APOB: variants seen among roughly 807,000 people sequenced by gnomAD.
APOB encodes the protein apolipoprotein B-100.
Under a neutral mutation model 314.1 loss-of-function variants are expected in APOB, and 153 were observed. The observed-to-expected ratio is 0.49, with a 90% CI of 0.43 to 0.56. The LOEUF is 0.56. Among genes scored for constraint, APOB ranks in the 20% least tolerant of loss-of-function variants. APOB has a pLI of 0.00. For synonymous variants in APOB, 2,087 were observed against 2,036.4 expected, an observed-to-expected ratio of 1.02 and a Z score of -0.67; for missense variants, 5,430 against 5,350.7, an observed-to-expected ratio of 1.01 and a Z score of -0.46.
intron 1 of APOB, 137 bp from the exon 2 acceptor site, chr2:21,043,688 C>A: frequency 6.7e-7 from 1 of 1,496,768 alleles, no homozygotes; most frequent in South Asian, 1.2e-5. Context: ...CTCAGCCCCT[C>A]CATCCCGCGC....
intron 10 of APOB, 45 bp downstream of exon 10, chr2:21,032,309 A>G (rs1663899034): frequency 6.5e-7 from 1 of 1,530,846 alleles, no homozygotes; most frequent in Admixed American, 1.7e-5. Context: ...GAGGTGCAAG[A>G]TGTTCCTCTG....
chr2:21,043,879 CCAGCAG>C lies in APOB; in HGVS notation c.61_66del (p.Leu21_Leu22del). 5.6e-6 allele frequency: 8 copies of C among 1,416,264 alleles called. No individual in the cohort carries two copies. Among genetic ancestry groups the C allele is most frequent in the East Asian group, 2.8e-5 (1 of 35,378 alleles). 87.7% of individuals were successfully genotyped at this position (1,416,264 alleles called of 1,614,324 possible). A position where few individuals can be genotyped will look rare whatever the true frequency, so the allele number is the denominator to read the frequency against. ...GCGCACTCACCGGCCCTGGCGCCCG[CCAGCAG>C]CAGCAGCAGCAGCGCAGGCAGCGCC... On this transcript the variant is annotated inframe_deletion, in exon 1 of 29. Coordinates refer to ENST00000233242, the MANE Select transcript of APOB (RefSeq NM_000384.3).
Position 21,035,716 on chromosome 2 carries a change from A to G in APOB, c.694-8T>C. The G allele has an allele frequency of 1.2e-6, 2 of 1,613,916 alleles. No individual in the cohort carries two copies. Among genetic ancestry groups the G allele is most frequent in the Non-Finnish European group, 1.7e-6 (2 of 1,180,010 alleles). ...AGTTGACAAGGGGCGGGTCTATGAA[A>G]GAGATTGGAGACGAGCATTTTGATC... On this transcript the variant is annotated splice_region_variant and splice_polypyrimidine_tract_variant and intron_variant, in intron 6 of 28. Transcript: ENST00000233242.
chr2:21,003,394 T>A lies in APOB; in HGVS notation c.12088-60A>T. ...CAATTACTCCAATTACACAATATAG[T>A]ACACTAAAACTTCATTAGCAGTTAA... On this transcript the variant is annotated intron_variant, in intron 28 of 28. Transcript: ENST00000233242. The A allele has an allele frequency of 3.5e-6, 5 of 1,437,642 alleles. No individual in the cohort carries two copies. The South Asian group carries it at 4.7e-5, about 13-fold the overall frequency. The allele number at this position is 1,437,642 out of a possible 1,614,324, so 89.1% of individuals were successfully genotyped here. A position where few individuals can be genotyped will look rare whatever the true frequency, so the allele number is the denominator to read the frequency against.
rs764574936 is a variant in APOB, at chr2:21,006,821, T to C, written c.10047A>G (p.Thr3349=). The C allele has an allele frequency of 1.2e-6, 2 of 1,613,958 alleles. No homozygotes were observed. Among genetic ancestry groups the C allele is most frequent in the East Asian group, 2.2e-5 (1 of 44,892 alleles). The part of the protein sequence containing the change: ...YDFSFKSSVI[T]LNTNAELFNQ... ...TAAAAAGTTCAGCATTGGTATTCAGTGTGATGACACTTGATTTAAAGGAGA... is the reference window on the plus strand; with the variant it reads ...TAAAAAGTTCAGCATTGGTATTCAGCGTGATGACACTTGATTTAAAGGAGA... Residue 3349 remains threonine, a synonymous_variant, in exon 26 of 29, where the codon ACA becomes ACG. Coordinates refer to ENST00000233242, the MANE Select transcript of APOB (RefSeq NM_000384.3).
intron 18 of APOB, 55 bp from the exon 19 acceptor site, chr2:21,019,960 A>G (rs1203687965): frequency 1.9e-6 from 3 of 1,572,202 alleles, no homozygotes; most frequent in Non-Finnish European, 2.6e-6. Flanking sequence ...CAAAATGGAC[A>G]TCACAAATTC....
Position 21,013,297 on chromosome 2 carries a change from G to A in APOB, c.4079C>T (p.Thr1360Met), listed in dbSNP as rs368779816. The change falls in exon 25 of 29, where the codon ACG (threonine) becomes ATG (methionine). Residue 1360 changes from threonine to methionine, a missense_variant. By Grantham distance (81) the Thr-to-Met change is moderately conservative. Coordinates refer to ENST00000233242, the MANE Select transcript of APOB (RefSeq NM_000384.3). ...GTTGTACAAGTTGCTGTAGACATTCGTGGAGAGGTCTAGAACACCCAGGAG... is the reference window on the plus strand; with the variant it reads ...GTTGTACAAGTTGCTGTAGACATTCATGGAGAGGTCTAGAACACCCAGGAG... The part of the protein sequence containing the change: ...VPLLGVLDLS[T>M]NVYSNLYNWS... The A allele has an allele frequency of 1.5e-5, 25 of 1,614,198 alleles. No homozygotes were observed. The Admixed American group carries it at 1.7e-4, about 11-fold the overall frequency.
chr2:21,030,117 G>T, intron 10 of APOB, 102 bp from the exon 11 acceptor site: 2 of 783,892 alleles, frequency 2.6e-6, no homozygotes, highest in African/African-American at 1.7e-5. Context: ...AATTCATATG[G>T]AATCCAAAAA....
Position 21,033,349 on chromosome 2 carries a change from G to A in APOB, c.1074C>T (p.Leu358=), listed in dbSNP as rs1372235539. 5.0e-6 allele frequency: 8 copies of A among 1,614,160 alleles called. No individual in the cohort carries two copies. The highest frequency in any genetic ancestry group is 1.1e-5 in the South Asian group (1 of 91,070). Residue 358 remains leucine (L), a synonymous_variant, in exon 9 of 29, where the codon CTC becomes CTT. Coordinates refer to ENST00000233242, the MANE Select transcript of APOB (RefSeq NM_000384.3). The part of the protein sequence containing the change: ...FNKLVTELRG[L]SDEAVTSLLP... The stretch of plus-strand genomic sequence containing the variant: ...AGAGAGATGTGACTGCTTCATCACT[G>A]AGGCCTCTCAGCTCAGTAACCAGCT...
Position 21,027,950 on chromosome 2 carries a change from C to A in APOB, c.1945G>T (p.Asp649Tyr), listed in dbSNP as rs1663776973. The change falls in exon 14 of 29, where the codon GAC becomes TAC. Residue 649 changes from aspartate to tyrosine, a missense_variant. Asp to Tyr is a radical substitution (Grantham distance 160). Coordinates refer to ENST00000233242, the MANE Select transcript of APOB (RefSeq NM_000384.3). Reference protein sequence around the residue: ...LYKSVSLPSLDPASAKIEGNL... With the variant: ...LYKSVSLPSLYPASAKIEGNL... ...CCTTCTATTTTGGCTGAGGCTGGGT[C>A]AAGTGATGGAAGAGAAACAGATTTG... The A allele has an allele frequency of 6.2e-7, 1 of 1,613,874 alleles. No individual in the cohort carries two copies. Among genetic ancestry groups the A allele is most frequent in the South Asian group, 1.1e-5 (1 of 91,056 alleles).
intron 2 of APOB, among the ~76,000 whole-genome samples, chr2:21,043,195 A>G (rs1335418650): frequency 7.9e-5 from 12 of 152,042 alleles, no homozygotes; most frequent in Admixed American, 4.6e-4. Flanking sequence ...TCACCCTCAC[A>G]TGCTTCGAAT....
At chr2:21,016,357 T>C in intron 21 of APOB, 82 bp downstream of exon 21, 1 of 773,592 alleles carries the variant, frequency 1.3e-6, no homozygotes, top group Non-Finnish European at 2.3e-6. Flanking sequence ...CATGGCTTGG[T>C]CAGGTATGAA....
rs764296185 is a variant in APOB, at chr2:21,008,877, T to C, written c.7991A>G (p.Asp2664Gly). ...GATCTTTACTTTCATTTCTACAAAG[T>C]CAATTGTAAAGGAAGGAATGTGGAA... ...NTFHIPSFTI[D>G]FVEMKVKIIR... The change falls in exon 26 of 29, where the codon GAC becomes GGC. Residue 2664 changes from aspartate to glycine, a missense_variant. Physicochemically the swap from Asp to Gly is moderately conservative, Grantham distance 94. Around this residue, in one of 3 missense-constraint regions of APOB, gnomAD observed 3,281 missense variants for 3,171.0 expected, o/e 1.03. Coordinates refer to ENST00000233242, the MANE Select transcript of APOB (RefSeq NM_000384.3). 1.7e-5 allele frequency: 27 copies of C among 1,613,900 alleles called. No individual in the cohort carries two copies. Among genetic ancestry groups the C allele is most frequent in the Non-Finnish European group, 2.0e-5 (24 of 1,179,944 alleles).
At position 21,035,579 on chromosome 2, in the gene APOB, C is replaced by T. The variant is rs1429828111; in HGVS notation, c.818+5G>A. 6.2e-7 allele frequency: 1 copy of T among 1,614,020 alleles called. No individual in the cohort carries two copies. Reference sequence around the variant, plus strand: ...GACAAATCAGGGGTGCATCACATGACCTACTTGTAGGAGAAAGGCAGGAAG... The same window carrying T: ...GACAAATCAGGGGTGCATCACATGATCTACTTGTAGGAGAAAGGCAGGAAG... On this transcript the variant is annotated splice_donor_5th_base_variant and intron_variant, in intron 7 of 28. Transcript: ENST00000233242.
chr2:21,014,604 A>C lies in APOB; in HGVS notation c.3697-11T>G, dbSNP rs1440214991. 1.9e-6 allele frequency: 3 copies of C among 1,614,016 alleles called. No homozygotes were observed. The highest frequency in any genetic ancestry group is 2.5e-6 in the Non-Finnish European group (3 of 1,179,894). The stretch of plus-strand genomic sequence containing the variant: ...CCATGAGCTCATTGCCTACAAAATG[A>C]CAGGAGATTTTTAAGGTAATGGGCT... On this transcript the variant is annotated splice_polypyrimidine_tract_variant and intron_variant, in intron 23 of 28. Transcript: ENST00000233242.
chr2:21,005,423 C>G lies in APOB; in HGVS notation c.11445G>C (p.Val3815=). Residue 3815 remains valine, a synonymous_variant, in exon 26 of 29, where the codon GTG becomes GTC. Transcript: ENST00000233242. ...GGGACACAGTTAACTGAGATTCAGG[C>G]ACGGTTATCTCAAAAAAGGGAATCA... is the stretch of plus-strand genomic sequence containing the variant. ...DSLIPFFEIT[V]PESQLTVSQF... The G allele has an allele frequency of 6.2e-7, 1 of 1,613,988 alleles. No homozygotes were observed. Among genetic ancestry groups the G allele is most frequent in the Non-Finnish European group, 8.5e-7 (1 of 1,179,950 alleles).
chr2:21,026,282 CT>C (rs12720827), intron 15 of APOB, among the ~76,000 whole-genome samples: 2,065 of 151,838 alleles, frequency 0.014, 52 homozygotes, highest in African/African-American at 0.047. Context: ...CAGTCTCACA[CT>C]GTCACCCGGG....
Position 21,019,851 on chromosome 2 carries a change from A to G in APOB, c.2871T>C (p.Ile957=), listed in dbSNP as rs1572791047. Residue 957 remains isoleucine (I), a synonymous_variant, in exon 19 of 29, where the codon ATT becomes ATC. Coordinates refer to ENST00000233242, the MANE Select transcript of APOB (RefSeq NM_000384.3). ...AAACTGACCAGGACTGCCTGTTCTC[A>G]ATGAGAGGTGGGATCACCTCCGTTT... The part of the protein sequence containing the change: ...TTKTEVIPPL[I]ENRQSWSVCK... 2 of 1,614,164 alleles carry G rather than the reference A, an allele frequency of 1.2e-6. No individual in the cohort carries two copies. Among genetic ancestry groups the G allele is most frequent in the Non-Finnish European group, 1.7e-6 (2 of 1,180,020 alleles).
rs747125412 is a variant in APOB at position 21,019,740 on chromosome 2, C to T, written c.2982G>A (p.Pro994=). The T allele has an allele frequency of 1.5e-5, 24 of 1,614,028 alleles. No individual in the cohort carries two copies. Among genetic ancestry groups the T allele is most frequent in the Middle Eastern group, 1.7e-4 (1 of 6,056 alleles). ...TCTCTAACCTGGTGTCCCCGGTCAGCGGATAGTAGGAGGCGGAGTCTGTGG... is the reference window on the plus strand; with the variant it reads ...TCTCTAACCTGGTGTCCCCGGTCAGTGGATAGTAGGAGGCGGAGTCTGTGG... ...ASSTDSASYY[P]LTGDTRLELE... The change falls in exon 19 of 29, where the codon CCG becomes CCA. Residue 994 remains proline, a synonymous_variant. Coordinates refer to ENST00000233242, the MANE Select transcript of APOB (RefSeq NM_000384.3).
Sources: gnomAD v4.1 joint callset for allele counts (sites outside exome capture counted in the v4.1 genomes callset) on GRCh38, gnomAD v4.1.1 for gene constraint, gnomAD v4.1.1 regional missense constraint, MANE v1.5 for transcripts, NCBI Gene and HGNC (gene_info 2026-07-23, HGNC 2026-07-21) for gene names.